The following ASTN1 variants were observed in gnomAD, a reference collection of about 807,000 sequenced individuals.
ASTN1 encodes the protein astrotactin-1.
In ASTN1, 41 loss-of-function variants were observed where a neutral mutation model predicts 140.7. The observed-to-expected ratio is 0.29, with a 90% CI of 0.23 to 0.38. The LOEUF (loss-of-function observed/expected upper bound fraction) is 0.38, where lower values mean the gene tolerates loss of function less well. ASTN1 is among the 10% of genes least tolerant of loss of function. ASTN1 has a pLI of 1.00. For missense variants in ASTN1, 1,479 were observed against 1,678.8 expected, an observed-to-expected ratio of 0.88 and a Z score of 2.08; for synonymous variants, 640 against 652.2, an observed-to-expected ratio of 0.98 and a Z score of 0.29.
chr1:177,017,337 C>A (rs1219921615), intron 7 of ASTN1, among the ~76,000 whole-genome samples: 2 of 152,154 alleles, frequency 1.3e-5, no homozygotes, highest in East Asian at 3.9e-4. Context: ...CCAAAATTTG[C>A]CTCTCACAGG....
In ASTN1 at chr1:177,009,074, G is replaced by A. The variant is rs574596797; in HGVS notation, c.1523+5717C>T. 2.0e-5 allele frequency among the ~76,000 whole-genome samples: 3 copies of A among 152,276 alleles called. No homozygotes were observed. The East Asian group carries it at 5.8e-4, about 29-fold the overall frequency. ...TCACCTCAGAAAAGACTTTGGGCTG[G>A]TCAAAGAAACAAGACATGGCCTAAG... On this transcript the variant is annotated intron_variant, in intron 8 of 22. Transcript: ENST00000361833.
chr1:177,067,078 C>T lies in ASTN1; in HGVS notation c.284-5813G>A, dbSNP rs974400022. Among the ~76,000 whole-genome samples, 11 of 152,016 alleles carry T rather than the reference C, an allele frequency of 7.2e-5. No individual in the cohort carries two copies. The East Asian group carries it at 2.1e-3, about 29-fold the overall frequency. On this transcript the variant is annotated intron_variant, in intron 1 of 22. Coordinates refer to ENST00000361833, the MANE Select transcript of ASTN1 (RefSeq NM_004319.3). ...CAAAGTTGCTGTTAGTCTAAGAACG[C>T]TTATCCAAACCAAATCTAGTATGGT...
intron 9 of ASTN1, among the ~76,000 whole-genome samples, chr1:176,961,038 G>A (rs1053894604): frequency 6.6e-6 from 1 of 152,206 alleles, no homozygotes; most frequent in Non-Finnish European, 1.5e-5. Flanking sequence ...GGATGGCAGA[G>A]GACAGTTCTT....
chr1:176,903,403 C>G (rs986760433), intron 16 of ASTN1, among the ~76,000 whole-genome samples: 1 of 152,184 alleles, frequency 6.6e-6, no homozygotes, highest in African/African-American at 2.4e-5. Context: ...GCCCGGACCT[C>G]GCTGTGCCAG....
At chr1:177,119,789 T>C (rs1189659856) in intron 1 of ASTN1, among the ~76,000 whole-genome samples, 2 of 152,190 alleles carry the variant, frequency 1.3e-5, no homozygotes, top group African/African-American at 4.8e-5. Context: ...TTGTTATTAC[T>C]TCTCTTTCCT....
intron 8 of ASTN1, among the ~76,000 whole-genome samples, chr1:176,990,690 C>T (rs1429056193): frequency 2.6e-5 from 4 of 152,140 alleles, no homozygotes; most frequent in Admixed American, 2.0e-4. Context: ...TAGGTAATCC[C>T]CCCAGAGACT....
chr1:177,076,290 A>AAAAG (rs1196366266), intron 1 of ASTN1, among the ~76,000 whole-genome samples: 1 of 150,152 alleles, frequency 6.7e-6, no homozygotes, highest in South Asian at 2.1e-4. Flanking sequence ...AAAAAAAAAA[A>AAAAG]AAAAAGAAAG....
intron 1 of ASTN1, among the ~76,000 whole-genome samples, chr1:177,100,911 G>T (rs1248694187): frequency 6.6e-6 from 1 of 152,044 alleles, no homozygotes; most frequent in Non-Finnish European, 1.5e-5. Flanking sequence ...TGGCCAACAT[G>T]GTAAAACTCC....
intron 15 of ASTN1, 176 bp downstream of exon 15, chr1:176,936,090 G>C: frequency 1.4e-6 from 1 of 691,414 alleles, no homozygotes; most frequent in South Asian, 1.5e-5. Context: ...ACTTAGAAAA[G>C]AATTCGATTC....
chr1:176,980,063 A>C (rs965083473), intron 8 of ASTN1, among the ~76,000 whole-genome samples: 4 of 152,216 alleles, frequency 2.6e-5, no homozygotes, highest in Non-Finnish European at 5.9e-5. Context: ...GGATCACTTG[A>C]CATTTGAATA....
intron 17 of ASTN1, among the ~76,000 whole-genome samples, chr1:176,888,498 C>T (rs1362963283): frequency 1.3e-5 from 2 of 152,148 alleles, no homozygotes; most frequent in African/African-American, 2.4e-5. Flanking sequence ...TCTCATATAC[C>T]ACTCCATCAT....
chr1:177,135,741 A>C (rs1682164995), intron 1 of ASTN1, among the ~76,000 whole-genome samples: 1 of 152,128 alleles, frequency 6.6e-6, no homozygotes, highest in South Asian at 2.1e-4. Context: ...GCTTGGACTA[A>C]ATGACCTTTA....
chr1:176,963,537 C>A (rs1672754913), intron 9 of ASTN1, among the ~76,000 whole-genome samples: 1 of 152,202 alleles, frequency 6.6e-6, no homozygotes, highest in Non-Finnish European at 1.5e-5. Context: ...AACCACACAA[C>A]TGGCCCCCAC....
intron 1 of ASTN1, among the ~76,000 whole-genome samples, chr1:177,105,810 T>C (rs2102141581): frequency 6.6e-6 from 1 of 152,288 alleles, no homozygotes; most frequent in Non-Finnish European, 1.5e-5. Context: ...GCTTCTATTT[T>C]CATGTCCATT....
chr1:177,164,336 G>A (rs1225547067), intron 1 of ASTN1, 58 bp downstream of exon 1: 1 of 1,463,926 alleles, frequency 6.8e-7, no homozygotes, highest in Non-Finnish European at 9.1e-7. Flanking sequence ...GAGCTGGAGT[G>A]GGGGGTGGGG....
chr1:177,101,270 C>A (rs1322883251), intron 1 of ASTN1, among the ~76,000 whole-genome samples: 3 of 152,078 alleles, frequency 2.0e-5, no homozygotes, highest in Admixed American at 1.3e-4. Flanking sequence ...TCATAGCTGT[C>A]CTGTTCAAAA....
At chr1:177,088,937 T>C (rs928351688) in intron 1 of ASTN1, among the ~76,000 whole-genome samples, 5 of 152,154 alleles carry the variant, frequency 3.3e-5, no homozygotes, top group African/African-American at 1.2e-4. Context: ...ATAACAGTAA[T>C]ATTCATCTGA....
At chr1:176,950,049 T>A (rs1034465296) in intron 11 of ASTN1, among the ~76,000 whole-genome samples, 1 of 152,208 alleles carries the variant, frequency 6.6e-6, no homozygotes, top group African/African-American at 2.4e-5. Flanking sequence ...ATTTAGCTTT[T>A]CAGCACTACC....
At chr1:177,073,494 AGCCTGGATCACATTCCTCTCTT>A (rs1678742286) in intron 1 of ASTN1, among the ~76,000 whole-genome samples, 1 of 150,734 alleles carries the variant, frequency 6.6e-6, no homozygotes, top group African/African-American at 2.4e-5. Flanking sequence ...TAATGTGATA[AGCCTGGATCACATTCCTCTCTT>A]AGTCTGCCTT....
Sources: allele counts gnomAD v4.1 joint callset (sites outside exome capture counted in the v4.1 genomes callset), GRCh38; gene constraint gnomAD v4.1.1; transcripts MANE v1.5; gene names NCBI Gene and HGNC (gene_info 2026-07-23, HGNC 2026-07-21).